Variants in EFR3A observed in about 807,000 individuals in gnomAD.
The protein encoded by EFR3A is protein EFR3 homolog A.
EFR3A carries 76 observed loss-of-function variants against 104.4 expected under a neutral mutation model. That is an observed-to-expected ratio of 0.73 (90% CI 0.60 to 0.88). The LOEUF (loss-of-function observed/expected upper bound fraction) is 0.88. Among genes scored for constraint, EFR3A ranks in the 40% least tolerant of loss-of-function variants. The pLI is 0.00. For missense variants in EFR3A, 985 were observed against 1,012.5 expected (o/e 0.97, Z 0.37); for synonymous variants, 330 against 330.0 (o/e 1.00, Z 0.00).
chr8:131,970,735 A>G, intron 10 of EFR3A, 92 bp downstream of exon 10: 2 of 1,225,334 alleles, frequency 1.6e-6, no homozygotes, highest in Non-Finnish European at 2.2e-6. Flanking sequence ...TACATTTGTC[A>G]AAGATGAATG....
At position 132,004,706 on chromosome 8, in the gene EFR3A, A is replaced by G. The variant is rs1207068896; in HGVS notation, c.2360+1421A>G. On this transcript the variant is annotated intron_variant, in intron 22 of 22. Transcript: ENST00000254624. ...ATCTTATGCTACATGGTTTATATCT[A>G]TTATTTCTGCTAATCCTCACCATAG... Among the ~76,000 whole-genome samples, 3 of 152,198 alleles carry G rather than the reference A, an allele frequency of 2.0e-5. No individual in the cohort carries two copies. In the East Asian group the frequency reaches 5.8e-4, roughly 29 times the overall value.
intron 22 of EFR3A, among the ~76,000 whole-genome samples, chr8:132,009,873 C>G (rs569031667): frequency 1.3e-5 from 2 of 151,562 alleles, no homozygotes; most frequent in South Asian, 4.2e-4. Context: ...AAGCATTTGG[C>G]AACAAAAAAA....
intron 5 of EFR3A, among the ~76,000 whole-genome samples, chr8:131,951,178 G>A (rs1178360547): frequency 6.6e-6 from 1 of 152,066 alleles, no homozygotes; most frequent in Non-Finnish European, 1.5e-5. Flanking sequence ...AAGTATAAAT[G>A]TTATTTTAAC....
chr8:132,011,080 C>A lies in EFR3A; in HGVS notation c.*185C>A. ...AGCTATATATAATTTCGAGTACTTT[C>A]AAAGATAGATTTATGCCATGTTAAT... On this transcript the variant is annotated 3_prime_UTR_variant, in exon 23 of 23. Coordinates refer to ENST00000254624, the MANE Select transcript of EFR3A (RefSeq NM_015137.6). 1 of 1,249,314 alleles carries A rather than the reference C, an allele frequency of 8.0e-7. No individual in the cohort carries two copies. The highest frequency in any genetic ancestry group is 1.0e-6 in the Non-Finnish European group (1 of 991,430). 77.4% of individuals were successfully genotyped at this position (1,249,314 alleles called of 1,614,324 possible).
intron 18 of EFR3A, among the ~76,000 whole-genome samples, chr8:131,995,217 G>A (rs1424771625): frequency 6.6e-6 from 1 of 152,080 alleles, no homozygotes; most frequent in Non-Finnish European, 1.5e-5. Context: ...CTATCCGATG[G>A]CTAGCCTAAC....
intron 22 of EFR3A, among the ~76,000 whole-genome samples, chr8:132,003,568 T>TA (rs113680007): frequency 3.3e-5 from 5 of 152,268 alleles, no homozygotes; most frequent in South Asian, 4.1e-4. Context: ...CTGGGTAATT[T>TA]AAAAAAGACC....
chr8:131,973,012 G>A (rs903148316), intron 10 of EFR3A, among the ~76,000 whole-genome samples: 1 of 149,582 alleles, frequency 6.7e-6, no homozygotes. Flanking sequence ...CCTTGTAGAG[G>A]CATTTGTTGA....
chr8:131,940,886 G>T (rs952213721), intron 2 of EFR3A, among the ~76,000 whole-genome samples: 1 of 151,998 alleles, frequency 6.6e-6, no homozygotes, highest in Non-Finnish European at 1.5e-5. Flanking sequence ...ACCAGTGCCA[G>T]ATTATTTAAA....
rs765125822 is a variant in EFR3A at position 131,955,804 on chromosome 8, CAAA to C, written c.676_678del (p.Lys226del). On this transcript the variant is annotated inframe_deletion, in exon 7 of 23. Coordinates refer to ENST00000254624, the MANE Select transcript of EFR3A (RefSeq NM_015137.6). ...CTCCTTCTTCTCCTTCTGCAACTGA[CAAA>C]GAAGAGAATCCTGCTGTGCTGGCTG... 12 of 1,613,128 alleles carry C rather than the reference CAAA, an allele frequency of 7.4e-6. No individual in the cohort carries two copies. The highest frequency in any genetic ancestry group is 2.2e-5 in the South Asian group (2 of 91,020).
chr8:131,983,647 G>T (rs1820726570), intron 14 of EFR3A, among the ~76,000 whole-genome samples: 1 of 151,976 alleles, frequency 6.6e-6, no homozygotes, highest in African/African-American at 2.4e-5. Context: ...GGGACTCCAT[G>T]CCAAAATGTA....
chr8:131,961,877 A>G (rs1819361295), intron 8 of EFR3A, among the ~76,000 whole-genome samples: 1 of 152,230 alleles, frequency 6.6e-6, no homozygotes. Context: ...GAAACTCTAC[A>G]AGCCAGAAGA....
intron 3 of EFR3A, among the ~76,000 whole-genome samples, chr8:131,945,827 A>C (rs2130580788): frequency 6.6e-6 from 1 of 152,112 alleles, no homozygotes; most frequent in East Asian, 1.9e-4. Flanking sequence ...TATACAGTAC[A>C]TTGTCGCTAA....
chr8:132,009,936 GGTTA>G (rs1160898721), intron 22 of EFR3A, among the ~76,000 whole-genome samples: 2 of 151,898 alleles, frequency 1.3e-5, no homozygotes, highest in Non-Finnish European at 2.9e-5. Flanking sequence ...TATGACAAAA[GGTTA>G]GTTTCCCAAA....
At chr8:131,924,592 T>C (rs1387833744) in intron 1 of EFR3A, among the ~76,000 whole-genome samples, 1 of 152,122 alleles carries the variant, frequency 6.6e-6, no homozygotes, top group Non-Finnish European at 1.5e-5. Flanking sequence ...TTAGTCATTT[T>C]ATTACTCCAG....
intron 4 of EFR3A, among the ~76,000 whole-genome samples, chr8:131,948,534 G>T (rs574894017): frequency 5.1e-4 from 77 of 152,246 alleles, no homozygotes; most frequent in Non-Finnish European, 9.6e-4. Flanking sequence ...GATGTGACAA[G>T]CTTAGTTTCA....
intron 14 of EFR3A, among the ~76,000 whole-genome samples, chr8:131,983,357 G>A (rs1820714147): frequency 6.6e-6 from 1 of 152,142 alleles, no homozygotes; most frequent in Non-Finnish European, 1.5e-5. Context: ...GAGGGCAAGA[G>A]CATGGTGGTC....
intron 19 of EFR3A, among the ~76,000 whole-genome samples, chr8:131,997,782 A>G (rs549727389): frequency 3.9e-5 from 6 of 152,132 alleles, no homozygotes; most frequent in African/African-American, 1.4e-4. Flanking sequence ...AGGGGACACT[A>G]TGTGTTATTG....
intron 1 of EFR3A, among the ~76,000 whole-genome samples, chr8:131,927,248 G>T (rs1817347404): frequency 6.6e-6 from 1 of 152,196 alleles, no homozygotes; most frequent in African/African-American, 2.4e-5. Context: ...TAAGTTAGCT[G>T]AAGACAGGGA....
chr8:131,940,683 C>T, intron 2 of EFR3A, 108 bp downstream of exon 2: 2 of 1,440,462 alleles, frequency 1.4e-6, no homozygotes, highest in East Asian at 2.5e-5. Flanking sequence ...ACCCTTACAT[C>T]TCATCATTTA....
Sources: gnomAD v4.1 joint callset for allele counts (sites outside exome capture counted in the v4.1 genomes callset) on GRCh38, gnomAD v4.1.1 for gene constraint, MANE v1.5 for transcripts, NCBI Gene and HGNC (gene_info 2026-07-23, HGNC 2026-07-21) for gene names.